Variants in PYROXD2 observed in about 807,000 individuals in gnomAD.
The protein encoded by PYROXD2 is pyridine nucleotide-disulphide oxidoreductase domain 2.
In PYROXD2, 69 loss-of-function variants were observed where a neutral mutation model predicts 71.1. The ratio of observed to expected loss-of-function variants is 0.97; its 90% CI spans 0.80 to 1.19. The LOEUF (loss-of-function observed/expected upper bound fraction) is 1.19. Ranked by LOEUF, PYROXD2 falls within the 50% of genes most tolerant of loss-of-function variation. The pLI is 0.00. For missense variants in PYROXD2, 745 were observed against 748.9 expected (o/e 0.99, Z 0.06); for synonymous variants, 287 against 302.7 (o/e 0.95, Z 0.54).
rs144515378 is a variant in PYROXD2, at chr10:98,400,309, C to T, written c.316-52G>A. The T allele has an allele frequency of 8.1e-5, 124 of 1,526,432 alleles. No homozygotes were observed. The East Asian group carries it at 2.3e-3, about 28-fold the overall frequency. The allele number at this position is 1,526,432 out of a possible 1,614,324, so 94.6% of individuals were successfully genotyped here. ...CATATTAATGGCTCTGTGGTCTCTGCCCATCATCTTTCTCCGATTGTGTTT... is the reference window on the plus strand; with the variant it reads ...CATATTAATGGCTCTGTGGTCTCTGTCCATCATCTTTCTCCGATTGTGTTT... On this transcript the variant is annotated intron_variant, in intron 4 of 15. Transcript: ENST00000370575.
At chr10:98,402,818 A>G (rs962658887) in intron 4 of PYROXD2, among the ~76,000 whole-genome samples, 1 of 152,150 alleles carries the variant, frequency 6.6e-6, no homozygotes, top group Non-Finnish European at 1.5e-5. Flanking sequence ...TGTCTCCCCA[A>G]GTAGAATGTA....
chr10:98,393,024 T>C lies in PYROXD2; in HGVS notation c.845A>G (p.Tyr282Cys). ...GAGGGCACCCATGCCCCCCTGGACG[T>C]AGCCCCAGGCCCCCTGCATTCCCTC... ...GLEGMQGAWG[Y>C]VQGGMGALSD... The change falls in exon 9 of 16, where the codon TAC becomes TGC. Residue 282 changes from tyrosine to cysteine, a missense_variant. Transcript: ENST00000370575. The C allele has an allele frequency of 6.2e-7, 1 of 1,611,392 alleles. No individual in the cohort carries two copies. Among genetic ancestry groups the C allele is most frequent in the Non-Finnish European group, 8.5e-7 (1 of 1,177,970 alleles).
intron 8 of PYROXD2, among the ~76,000 whole-genome samples, chr10:98,393,843 G>T (rs10786416): frequency 0.34 from 51,810 of 151,590 alleles, 9,148 homozygotes; most frequent in East Asian, 0.53. Flanking sequence ...CCCTCATCCT[G>T]TCCCCCTATC....
chr10:98,398,345 C>G (rs1031960440), intron 5 of PYROXD2, among the ~76,000 whole-genome samples: 1 of 152,070 alleles, frequency 6.6e-6, no homozygotes, highest in African/African-American at 2.4e-5. Context: ...CTTTCGAAAG[C>G]CTGGTTTCTG....
At position 98,388,346 on chromosome 10, in the gene PYROXD2, G is replaced by C; in HGVS notation, c.1447+8C>G. ...GGCTCTGGAGGCAGAACGTGCAGCT[G>C]TCTTTACCTCTGTCTGCATAAGCGT... On this transcript the variant is annotated splice_region_variant and intron_variant, in intron 13 of 15. Coordinates refer to ENST00000370575, the MANE Select transcript of PYROXD2 (RefSeq NM_032709.3). 6.2e-7 allele frequency: 1 copy of C among 1,613,710 alleles called. No homozygotes were observed. Among genetic ancestry groups the C allele is most frequent in the Non-Finnish European group, 8.5e-7 (1 of 1,179,906 alleles).
intron 5 of PYROXD2, among the ~76,000 whole-genome samples, chr10:98,399,579 T>C (rs1437464783): frequency 6.6e-6 from 1 of 152,234 alleles, no homozygotes; most frequent in Non-Finnish European, 1.5e-5. Context: ...CACACCATCA[T>C]GGACACTTTG....
chr10:98,410,262 G>C (rs1015663871), intron 2 of PYROXD2, among the ~76,000 whole-genome samples: 2 of 152,194 alleles, frequency 1.3e-5, no homozygotes, highest in Non-Finnish European at 2.9e-5. Context: ...AGCTGCTGCT[G>C]CTTCAAGAAG....
chr10:98,415,100 C>A lies in PYROXD2; in HGVS notation c.36G>T (p.Val12=). The change falls in exon 1 of 16, where the codon GTG becomes GTT. Residue 12 remains valine (V), a synonymous_variant. Coordinates refer to ENST00000370575, the MANE Select transcript of PYROXD2 (RefSeq NM_032709.3). ...AASGRGLCKA[V]AASPFPAWRR... The stretch of plus-strand genomic sequence containing the variant: ...TCCACGCCGGGAAGGGAGAGGCGGC[C>A]ACAGCCTTGCAGAGACCTCGGCCAC... 1 of 1,614,002 alleles carries A rather than the reference C, an allele frequency of 6.2e-7. No individual in the cohort carries two copies. The highest frequency in any genetic ancestry group is 1.3e-5 in the African/African-American group (1 of 75,078).
chr10:98,414,554 G>C (rs1003239853), intron 1 of PYROXD2, among the ~76,000 whole-genome samples: 8 of 152,212 alleles, frequency 5.3e-5, no homozygotes, highest in African/African-American at 1.9e-4. Context: ...CTTGTGACGA[G>C]GGGTGGCCTC....
intron 1 of PYROXD2, chr10:98,413,968 T>C (rs1843876621): frequency 6.6e-6 from 1 of 152,156 alleles, no homozygotes; most frequent in Non-Finnish European, 1.5e-5. Flanking sequence ...GAGTATTGTA[T>C]CTTTATTTGT....
At chr10:98,393,422 C>T (rs1843021028) in intron 8 of PYROXD2, among the ~76,000 whole-genome samples, 1 of 152,158 alleles carries the variant, frequency 6.6e-6, no homozygotes, top group Non-Finnish European at 1.5e-5. Flanking sequence ...TTAAACCCAC[C>T]ACCTTTTCCC....
At chr10:98,388,127 T>C in intron 13 of PYROXD2, 1 of 562,940 alleles carries the variant, frequency 1.8e-6, no homozygotes, top group Non-Finnish European at 3.2e-6. Context: ...CATCCCTTGC[T>C]AGACTGTGAG....
At chr10:98,413,147 G>T (rs1471482906) in intron 1 of PYROXD2, among the ~76,000 whole-genome samples, 1 of 152,152 alleles carries the variant, frequency 6.6e-6, no homozygotes, top group Non-Finnish European at 1.5e-5. Context: ...ATGTGCTACT[G>T]GGTATCTCTC....
intron 4 of PYROXD2, among the ~76,000 whole-genome samples, chr10:98,400,627 T>C (rs541953405): frequency 1.3e-5 from 2 of 151,980 alleles, no homozygotes; most frequent in South Asian, 4.2e-4. Flanking sequence ...TACCATGCCA[T>C]ATCACACCAC....
Position 98,384,973 on chromosome 10 carries a change from T to C in PYROXD2, c.1649A>G (p.Tyr550Cys). 6.2e-7 allele frequency: 1 copy of C among 1,613,504 alleles called. No individual in the cohort carries two copies. Among genetic ancestry groups the C allele is most frequent in the South Asian group, 1.1e-5 (1 of 90,910 alleles). Residue 550 changes from tyrosine (Y) to cysteine (C), a missense_variant, in exon 15 of 16, where the codon TAT becomes TGT. Physicochemically the swap from Tyr to Cys is radical, Grantham distance 194. Transcript: ENST00000370575. ...AGGATGAGCCCCACTTCCACAGAGA[T>C]ACAGGCCCTGGAGAGGGCAGCGGTA... The part of the protein sequence containing the change: ...SGYRCPLQGL[Y>C]LCGSGAHPGG...
At chr10:98,386,920 A>C (rs1402294463) in intron 14 of PYROXD2, among the ~76,000 whole-genome samples, 1 of 152,190 alleles carries the variant, frequency 6.6e-6, no homozygotes. Flanking sequence ...CAAGAAAGTC[A>C]GATGGCAGAG....
chr10:98,385,141 T>G, intron 14 of PYROXD2, 74 bp from the exon 15 acceptor site: 1 of 1,557,518 alleles, frequency 6.4e-7, no homozygotes, highest in Non-Finnish European at 8.7e-7. Flanking sequence ...TTTCTTCCCC[T>G]CCCCTGTTCT....
At chr10:98,398,143 A>C (rs1163990425) in intron 5 of PYROXD2, among the ~76,000 whole-genome samples, 1 of 152,102 alleles carries the variant, frequency 6.6e-6, no homozygotes, top group African/African-American at 2.4e-5. Context: ...TCGGCCTCTC[A>C]AAGTGCTGGG....
chr10:98,403,904 G>T (rs912025115), intron 4 of PYROXD2, among the ~76,000 whole-genome samples: 2 of 152,172 alleles, frequency 1.3e-5, no homozygotes, highest in Admixed American at 6.5e-5. Flanking sequence ...TGGACTGAAT[G>T]AACGAATAAA....
Sources: allele counts gnomAD v4.1 joint callset (sites outside exome capture counted in the v4.1 genomes callset), GRCh38; gene constraint gnomAD v4.1.1; transcripts MANE v1.5; gene names NCBI Gene and HGNC (gene_info 2026-07-23, HGNC 2026-07-21).